Variants in SETD2 observed in about 807,000 individuals in gnomAD.
The protein encoded by SETD2 is SET domain containing 2, histone lysine methyltransferase.
A neutral mutation model predicts 242.1 loss-of-function variants in SETD2; 31 were observed. The ratio of observed to expected loss-of-function variants is 0.13; its 90% CI spans 0.10 to 0.17. The LOEUF (loss-of-function observed/expected upper bound fraction) is 0.17. SETD2 is among the 10% of genes least tolerant of loss of function. The pLI is 1.00. For synonymous variants in SETD2, 1,006 were observed against 1,066.5 expected, an observed-to-expected ratio of 0.94 and a Z score of 1.11; for missense variants, 2,481 against 3,046.3, an observed-to-expected ratio of 0.81 and a Z score of 4.37.
At chr3:47,119,991 CG>C (rs747902276) in intron 3 of SETD2, among the ~76,000 whole-genome samples, 190 bp downstream of exon 3, 1 of 121,056 alleles carries the variant, frequency 8.3e-6, no homozygotes, top group African/African-American at 3.2e-5. Context: ...GATGGGGCGG[CG>C]GGGGGAATGG....
chr3:47,123,508 T>C lies in SETD2; in HGVS notation c.1128A>G (p.Lys376=), dbSNP rs1274949240. The C allele has an allele frequency of 1.9e-6, 3 of 1,551,022 alleles. No homozygotes were observed. The highest frequency in any genetic ancestry group is 2.6e-6 in the Non-Finnish European group (3 of 1,146,954). Residue 376 remains lysine, a synonymous_variant, in exon 3 of 21, where the codon AAA becomes AAG. Coordinates refer to ENST00000409792, the MANE Select transcript of SETD2 (RefSeq NM_014159.7). ...PSRSKTDRDD[K]YFSYSKLERD... ...TTTCAAGTTTTGAATAGCTAAAATA[T>C]TTATCATCTCTGTCTGTTTTAGATC...
intron 1 of SETD2, among the ~76,000 whole-genome samples, chr3:47,156,165 C>A (rs532519989): frequency 1.3e-5 from 2 of 152,316 alleles, no homozygotes; most frequent in East Asian, 1.9e-4. Flanking sequence ...GGCTGGCCAT[C>A]CTGCTTCCAT....
At chr3:47,077,923 A>C (rs1213863145) in intron 12 of SETD2, among the ~76,000 whole-genome samples, 7 of 152,360 alleles carry the variant, frequency 4.6e-5, no homozygotes, top group African/African-American at 1.7e-4. Context: ...ATGGATTATA[A>C]TCTATTGGGT....
intron 12 of SETD2, among the ~76,000 whole-genome samples, chr3:47,082,004 G>A (rs2041335524): frequency 6.6e-6 from 1 of 152,164 alleles, no homozygotes; most frequent in Non-Finnish European, 1.5e-5. Context: ...TTGCTTTGAT[G>A]TTTCAGATAG....
intron 8 of SETD2, among the ~76,000 whole-genome samples, chr3:47,101,009 CAAAAAAAAAA>C (rs1164475680): frequency 1.3e-4 from 3 of 23,100 alleles, no homozygotes; most frequent in African/African-American, 3.0e-4. Flanking sequence ...GAGTCCATCT[CAAAAAAAAAA>C]AAAAAAAAAA....
At position 47,092,217 on chromosome 3, in the gene SETD2, T is replaced by C. The variant is rs1157632945; in HGVS notation, c.5143-3970A>G. On this transcript the variant is annotated intron_variant, in intron 9 of 20. Coordinates refer to ENST00000409792, the MANE Select transcript of SETD2 (RefSeq NM_014159.7). ...CTCAGCGGTTATACTGTAACACACA[T>C]ACACATAAATGCATGCCAATTCCAG... 2.0e-5 allele frequency among the ~76,000 whole-genome samples: 3 copies of C among 152,288 alleles called. No individual in the cohort carries two copies. The East Asian group carries it at 5.8e-4, about 29-fold the overall frequency.
chr3:47,049,164 G>C (rs1199005748), intron 15 of SETD2, among the ~76,000 whole-genome samples: 2 of 151,314 alleles, frequency 1.3e-5, no homozygotes, highest in Non-Finnish European at 2.9e-5. Context: ...GGCTAGTCTT[G>C]AACTCTTGTG....
intron 12 of SETD2, chr3:47,080,844 T>C (rs1356047009): frequency 1.0e-6 from 1 of 986,848 alleles, no homozygotes; most frequent in Non-Finnish European, 1.2e-6. Flanking sequence ...CGGAACGACA[T>C]CCATTGTCGG....
chr3:47,120,313 A>C lies in SETD2; in HGVS notation c.4323T>G (p.Gly1441=), dbSNP rs2107740174. 6.2e-7 allele frequency: 1 copy of C among 1,613,908 alleles called. No homozygotes were observed. Among genetic ancestry groups the C allele is most frequent in the Non-Finnish European group, 8.5e-7 (1 of 1,179,934 alleles). The part of the protein sequence containing the change: ...VEQGETSVPP[G]SALVGPSCVM... ...CACAGGAGGGCCCAACCAGTGCTGA[A>C]CCTGGGGGCACTGATGTCTCTCCCT... The change falls in exon 3 of 21, where the codon GGT becomes GGG. Residue 1441 remains glycine (G), a synonymous_variant. Transcript: ENST00000409792.
rs1029740804 is a variant in SETD2 at position 47,016,577 on chromosome 3, C to T, written c.*516G>A. On this transcript the variant is annotated 3_prime_UTR_variant, in exon 21 of 21. Transcript: ENST00000409792. The stretch of plus-strand genomic sequence containing the variant: ...AAGGCAGCCTGCTTTAGAATATTTA[C>T]ATGATAACAAATTAAACCTTGCAGG... The T allele has an allele frequency of 1.3e-5, 3 of 233,748 alleles. No individual in the cohort carries two copies. The highest frequency in any genetic ancestry group is 6.6e-5 in the African/African-American group (3 of 45,332). The allele number at this position is 233,748 out of a possible 1,614,324, so 14.5% of individuals were successfully genotyped here.
At chr3:47,025,858 G>A (rs1432403051) in intron 18 of SETD2, among the ~76,000 whole-genome samples, 4 of 152,142 alleles carry the variant, frequency 2.6e-5, no homozygotes, top group African/African-American at 9.7e-5. Flanking sequence ...AAGCCTAGAA[G>A]AAAACCTAGG....
chr3:47,085,328 T>C (rs1475396098), intron 11 of SETD2, among the ~76,000 whole-genome samples: 1 of 152,232 alleles, frequency 6.6e-6, no homozygotes, highest in Non-Finnish European at 1.5e-5. Context: ...TTACCAAGTG[T>C]CTGTGATATA....
At chr3:47,075,397 TA>T (rs1436322435) in intron 12 of SETD2, among the ~76,000 whole-genome samples, 1 of 150,530 alleles carries the variant, frequency 6.6e-6, no homozygotes, top group African/African-American at 2.4e-5. Flanking sequence ...CCATCTCTAC[TA>T]AAAATACAAA....
intron 5 of SETD2, among the ~76,000 whole-genome samples, chr3:47,112,050 A>T (rs2042673015): frequency 6.6e-6 from 1 of 151,986 alleles, no homozygotes; most frequent in South Asian, 2.1e-4. Flanking sequence ...AAATGTTTCA[A>T]CCATAAACAC....
intron 13 of SETD2, among the ~76,000 whole-genome samples, chr3:47,066,779 T>TA (rs889495124): frequency 1.4e-5 from 2 of 147,058 alleles, no homozygotes; most frequent in South Asian, 4.2e-4. Context: ...AAAGACTAAA[T>TA]AAAAAAAATA....
intron 18 of SETD2, among the ~76,000 whole-genome samples, chr3:47,036,373 G>C (rs1165022227): frequency 6.6e-6 from 1 of 152,008 alleles, no homozygotes; most frequent in Non-Finnish European, 1.5e-5. Flanking sequence ...TGGGCAACAC[G>C]ATAAAACCTC....
At chr3:47,091,100 G>A (rs960746605) in intron 9 of SETD2, among the ~76,000 whole-genome samples, 1 of 152,104 alleles carries the variant, frequency 6.6e-6, no homozygotes, top group Admixed American at 6.6e-5. Context: ...TTAAGTTTTT[G>A]AGTAAATACA....
intron 12 of SETD2, among the ~76,000 whole-genome samples, chr3:47,075,064 G>A (rs1432223713): frequency 1.3e-5 from 2 of 151,634 alleles, no homozygotes; most frequent in Non-Finnish European, 2.9e-5. Context: ...AACCCAGGAG[G>A]TGGAGCTTGC....
intron 16 of SETD2, among the ~76,000 whole-genome samples, chr3:47,045,497 G>C (rs1046193397): frequency 2.1e-5 from 3 of 142,466 alleles, no homozygotes; most frequent in African/African-American, 7.9e-5. Context: ...CAGCCTGGGC[G>C]ACAGAGCAAG....
Sources: gnomAD v4.1 joint callset for allele counts (sites outside exome capture counted in the v4.1 genomes callset) on GRCh38, gnomAD v4.1.1 for gene constraint, MANE v1.5 for transcripts, NCBI Gene and HGNC (gene_info 2026-07-23, HGNC 2026-07-21) for gene names.